The following DYRK1A variants were observed in gnomAD, a reference collection of about 807,000 sequenced individuals.
DYRK1A encodes dual specificity tyrosine-phosphorylation-regulated kinase 1A.
In DYRK1A, 9 loss-of-function variants were observed where a neutral mutation model predicts 79.7. The ratio of observed to expected loss-of-function variants is 0.11; its 90% CI spans 0.07 to 0.20. DYRK1A has a LOEUF of 0.20. Ranked by LOEUF, DYRK1A falls within the 10% of genes least tolerant of loss-of-function variation. The pLI, the probability that DYRK1A is intolerant of heterozygous loss-of-function variation, is 1.00. For missense variants in DYRK1A, 622 were observed against 956.0 expected (o/e 0.65, Z 4.61); for synonymous variants, 349 against 329.7 (o/e 1.06, Z -0.63).
intron 2 of DYRK1A, chr21:37,430,300 A>G (rs1353042980): frequency 1.0e-6 from 1 of 968,976 alleles, no homozygotes; most frequent in East Asian, 1.1e-4. Context: ...AGAGAACTAT[A>G]CTGGAAGAAC....
At chr21:37,499,219 AAGT>A (rs1408673954) in intron 9 of DYRK1A, among the ~76,000 whole-genome samples, 1 of 152,034 alleles carries the variant, frequency 6.6e-6, no homozygotes, top group Non-Finnish European at 1.5e-5. Context: ...TTTCTTCTAA[AAGT>A]TTTTTATTTT....
At chr21:37,460,254 G>A (rs572815136) in intron 2 of DYRK1A, among the ~76,000 whole-genome samples, 9 of 151,992 alleles carry the variant, frequency 5.9e-5, no homozygotes, top group Non-Finnish European at 1.2e-4. Context: ...TTTGTTTCCT[G>A]TTGACATTTT....
At chr21:37,492,565 A>G (rs1008266526) in intron 7 of DYRK1A, among the ~76,000 whole-genome samples, 1 of 149,460 alleles carries the variant, frequency 6.7e-6, no homozygotes, top group Non-Finnish European at 1.5e-5. Flanking sequence ...ATTTTAAATT[A>G]TATTATATTG....
At position 37,518,228 on chromosome 21, in the gene DYRK1A, G is replaced by A. The variant is rs1055663873; in HGVS notation, c.*5697G>A. Reference sequence around the variant, plus strand: ...GCAGTGAAATAGCATGAGAAAGAGCGTTTTTATGTACATCACAGACAAGCC... The same window carrying A: ...GCAGTGAAATAGCATGAGAAAGAGCATTTTTATGTACATCACAGACAAGCC... On this transcript the variant is annotated 3_prime_UTR_variant, in exon 12 of 12. Coordinates refer to ENST00000647188, the MANE Select transcript of DYRK1A (RefSeq NM_001347721.2). The A allele has an allele frequency of 1.3e-5, 2 of 152,232 alleles. No individual in the cohort carries two copies. Among genetic ancestry groups the A allele is most frequent in the Non-Finnish European group, 2.9e-5 (2 of 68,058 alleles). The allele number at this position is 152,232 out of a possible 1,614,324, so 9.4% of individuals were successfully genotyped here.
At position 37,472,705 on chromosome 21, in the gene DYRK1A, A is replaced by C; in HGVS notation, c.32A>C (p.Lys11Thr). ...GTAGGAGGAGAGACTTCAGCATGCA[A>C]ACCTTCATCTGTTCGGCTTGCACCG... is the stretch of plus-strand genomic sequence containing the variant. The part of the protein sequence containing the change: MHTGGETSAC[K>T]PSSVRLAPSF... Residue 11 changes from lysine (K) to threonine (T), a missense_variant, in exon 3 of 12, where the codon AAA (lysine) becomes ACA (threonine). By Grantham distance (78) the Lys-to-Thr change is moderately conservative (BLOSUM62 -1). Transcript: ENST00000647188. 1.3e-6 allele frequency: 2 copies of C among 1,599,036 alleles called. No individual in the cohort carries two copies. The highest frequency in any genetic ancestry group is 3.4e-5 in the Admixed American group (2 of 58,894).
chr21:37,397,862 T>TAATA (rs1243861922), intron 1 of DYRK1A, among the ~76,000 whole-genome samples: 1 of 152,002 alleles, frequency 6.6e-6, no homozygotes, highest in Non-Finnish European at 1.5e-5. Flanking sequence ...AGTGCGTAAT[T>TAATA]AATACTTGCC....
chr21:37,478,104 AAGT>A, intron 3 of DYRK1A, 101 bp from the exon 4 acceptor site: 1 of 1,495,382 alleles, frequency 6.7e-7, no homozygotes, highest in Non-Finnish European at 9.1e-7. Context: ...GTCTTTAAAA[AAGT>A]AGATACATGC....
chr21:37,465,896 A>G (rs2052009042), intron 2 of DYRK1A, among the ~76,000 whole-genome samples: 1 of 152,236 alleles, frequency 6.6e-6, no homozygotes, highest in Non-Finnish European at 1.5e-5. Flanking sequence ...GTCATTTTTA[A>G]AAAGATTGAA....
intron 5 of DYRK1A, among the ~76,000 whole-genome samples, chr21:37,481,931 C>T (rs1022379822): frequency 1.3e-5 from 2 of 152,160 alleles, no homozygotes; most frequent in Non-Finnish European, 2.9e-5. Flanking sequence ...CATTGAGTCA[C>T]AGAGCTGTGT....
chr21:37,390,401 C>T (rs1269954419), intron 1 of DYRK1A, among the ~76,000 whole-genome samples: 3 of 152,168 alleles, frequency 2.0e-5, no homozygotes, highest in African/African-American at 7.2e-5. Flanking sequence ...CAAACAAGGG[C>T]ATTCTCTTAC....
At chr21:37,470,697 C>T (rs1390709832) in intron 2 of DYRK1A, among the ~76,000 whole-genome samples, 2 of 152,188 alleles carry the variant, frequency 1.3e-5, no homozygotes, top group East Asian at 3.9e-4. Context: ...TTTAAAAGCC[C>T]TCATCACCCC....
At position 37,517,623 on chromosome 21, in the gene DYRK1A, G is replaced by A. The variant is rs970706649; in HGVS notation, c.*5092G>A. On this transcript the variant is annotated 3_prime_UTR_variant, in exon 12 of 12. Transcript: ENST00000647188. ...GGGTGTGTGTGGTAGTTCTGCACTA[G>A]GGTGGCCAGGAAGCAGCCAAGCAGG... The A allele has an allele frequency of 6.6e-6, 1 of 152,264 alleles. No homozygotes were observed. Among genetic ancestry groups the A allele is most frequent in the African/African-American group, 2.4e-5 (1 of 41,448 alleles). The allele number at this position is 152,264 out of a possible 1,614,324, so 9.4% of individuals were successfully genotyped here.
intron 2 of DYRK1A, among the ~76,000 whole-genome samples, chr21:37,448,344 G>A (rs1262636218): frequency 4.6e-5 from 7 of 151,966 alleles, no homozygotes; most frequent in Non-Finnish European, 1.0e-4. Flanking sequence ...AAAAACTCTT[G>A]TTCTGGTGGA....
rs980113317 is a variant in DYRK1A at position 37,514,523 on chromosome 21, A to G, written c.*1992A>G. 3.9e-5 allele frequency: 6 copies of G among 152,588 alleles called. No homozygotes were observed. Among genetic ancestry groups the G allele is most frequent in the African/African-American group, 9.6e-5 (4 of 41,518 alleles). The allele number at this position is 152,588 out of a possible 1,614,324, so 9.5% of individuals were successfully genotyped here. On this transcript the variant is annotated 3_prime_UTR_variant, in exon 12 of 12. Transcript: ENST00000647188. The stretch of plus-strand genomic sequence containing the variant: ...CAATTCCATGTGGCTGACTAGGTCA[A>G]TTTTTTTTCTGAACAAAAGCAGGTT...
chr21:37,414,326 T>G (rs1053184932), intron 1 of DYRK1A, among the ~76,000 whole-genome samples: 1 of 152,176 alleles, frequency 6.6e-6, no homozygotes, highest in African/African-American at 2.4e-5. Flanking sequence ...GTCAGTTTGC[T>G]TGGATTTGAA....
In DYRK1A at chr21:37,512,274, G is replaced by C. The variant is rs55720916; in HGVS notation, c.2008G>C (p.Ala670Pro). The C allele has an allele frequency of 7.3e-4, 1,186 of 1,614,174 alleles. 8 individuals carry two copies. In the African/African-American group the frequency reaches 0.014, roughly 20 times the overall value. The part of the protein sequence containing the change: ...SSSTGNQGNQ[A>P]YQNRPVAANT... ...CTCTACTGGTAACCAAGGCAATCAG[G>C]CCTACCAGAATCGCCCAGTGGCTGC... Residue 670 changes from alanine to proline, a missense_variant, in exon 12 of 12, where the codon GCC becomes CCC. Transcript: ENST00000647188.
At chr21:37,377,071 A>G (rs1209632804) in intron 1 of DYRK1A, among the ~76,000 whole-genome samples, 1 of 152,116 alleles carries the variant, frequency 6.6e-6, no homozygotes, top group South Asian at 2.1e-4. Context: ...ATCCAAACCA[A>G]ATGGGATCAG....
At chr21:37,467,122 CAAA>C (rs1569349099) in intron 2 of DYRK1A, among the ~76,000 whole-genome samples, 1 of 122,860 alleles carries the variant, frequency 8.1e-6, no homozygotes, top group African/African-American at 4.3e-5. Context: ...AAAAAAAAAA[CAAA>C]ACAAAAAAAC....
intron 1 of DYRK1A, among the ~76,000 whole-genome samples, chr21:37,370,918 ATG>A (rs1256124740): frequency 2.0e-5 from 3 of 152,176 alleles, no homozygotes; most frequent in Non-Finnish European, 4.4e-5. Flanking sequence ...ATAGCACCTT[ATG>A]TATATATGGT....
Sources: allele counts gnomAD v4.1 joint callset (sites outside exome capture counted in the v4.1 genomes callset), GRCh38; gene constraint gnomAD v4.1.1; transcripts MANE v1.5; gene names NCBI Gene and HGNC (gene_info 2026-07-23, HGNC 2026-07-21).